Variants in BTD observed in about 807,000 individuals in gnomAD.
The protein encoded by BTD is biotinidase, also known as biocytinase.
A neutral mutation model predicts 17.7 loss-of-function variants in BTD; 13 were observed. That is an observed-to-expected ratio of 0.74 (90% CI 0.48 to 1.17). The LOEUF (loss-of-function observed/expected upper bound fraction) is 1.17. BTD is among the 50% of genes most tolerant of loss of function. BTD has a pLI of 0.00. For missense variants in BTD, 674 were observed against 650.4 expected (o/e 1.04, Z -0.39); for synonymous variants, 240 against 245.2 (o/e 0.98, Z 0.20).
At chr3:15,615,526 T>C (rs938440134) in intron 1 of BTD, among the ~76,000 whole-genome samples, 4 of 152,246 alleles carry the variant, frequency 2.6e-5, no homozygotes, top group South Asian at 2.1e-4. Context: ...GATATCAAGA[T>C]TGGGACATGT....
intron 1 of BTD, among the ~76,000 whole-genome samples, chr3:15,614,588 A>G (rs542589403): frequency 3.3e-5 from 5 of 149,590 alleles, no homozygotes; most frequent in East Asian, 3.9e-4. Context: ...TTATTTGACA[A>G]TATCTTTTTC....
At chr3:15,636,713 C>T (rs897985600) in intron 2 of BTD, among the ~76,000 whole-genome samples, 15 of 122,582 alleles carry the variant, frequency 1.2e-4, no homozygotes, top group African/African-American at 4.7e-4. Flanking sequence ...ACAGCCACAG[C>T]AATTAAAAAA....
At chr3:15,630,413 T>C (rs2065178039) in intron 1 of BTD, among the ~76,000 whole-genome samples, 1 of 152,244 alleles carries the variant, frequency 6.6e-6, no homozygotes. Flanking sequence ...CAGACTGTTA[T>C]TCAAATTCCA....
intron 3 of BTD, chr3:15,670,199 A>G: frequency 6.6e-7 from 1 of 1,509,426 alleles, no homozygotes. Flanking sequence ...CTACGTGAAT[A>G]TCAAAGTGCC....
At chr3:15,678,226 C>A in intron 3 of BTD, 1 of 1,610,556 alleles carries the variant, frequency 6.2e-7, no homozygotes, top group South Asian at 1.1e-5. Flanking sequence ...ATTTGTTTGT[C>A]CATTTTCTGC....
intron 1 of BTD, among the ~76,000 whole-genome samples, chr3:15,611,893 C>A (rs945640498): frequency 2.6e-5 from 4 of 151,106 alleles, no homozygotes; most frequent in African/African-American, 7.3e-5. Flanking sequence ...AAAAAAAATT[C>A]TTCTGCATTT....
Position 15,644,720 on chromosome 3 carries a change from T to G in BTD, c.804T>G (p.Phe268Leu), listed in dbSNP as rs764376897. 3 of 1,614,240 alleles carry G rather than the reference T, an allele frequency of 1.9e-6. No individual in the cohort carries two copies. The highest frequency in any genetic ancestry group is 4.5e-5 in the East Asian group (2 of 44,894). Residue 268 changes from phenylalanine to leucine, a missense_variant, in exon 4 of 4, where the codon TTT becomes TTG. Physicochemically the swap from Phe to Leu is conservative, Grantham distance 22. Coordinates refer to ENST00000643237, the MANE Select transcript of BTD (RefSeq NM_001370658.1). ...CAGCAATTGAGATTCAGAAAGCTTT[T>G]GCTGTTGCCTTTGGCATCAACGTTC... The part of the protein sequence containing the change: ...LLAAIEIQKA[F>L]AVAFGINVLA...
intron 3 of BTD, chr3:15,675,882 T>C (rs1482877820): frequency 6.3e-7 from 1 of 1,593,526 alleles, no homozygotes; most frequent in South Asian, 1.1e-5. Flanking sequence ...GGGAAGAGAA[T>C]ATAGAACCAA....
At chr3:15,658,414 G>A (rs1234406546), downstream of BTD, among the ~76,000 whole-genome samples, 1 of 152,194 alleles carries the variant, frequency 6.6e-6, no homozygotes, top group East Asian at 1.9e-4. Context: ...GCCCCACAGG[G>A]ACAATGGAAC....
At chr3:15,677,418 A>C in intron 3 of BTD, 1 of 1,309,616 alleles carries the variant, frequency 7.6e-7, no homozygotes, top group Non-Finnish European at 1.1e-6. Flanking sequence ...GTGAAGTCAA[A>C]AAACTTTTAA....
rs994923091 is a variant in BTD, at chr3:15,649,137, C to A, written c.*3649C>A. 6.6e-6 allele frequency among the ~76,000 whole-genome samples: 1 copy of A among 152,236 alleles called. No individual in the cohort carries two copies. Among genetic ancestry groups the A allele is most frequent in the African/African-American group, 2.4e-5 (1 of 41,456 alleles). On this transcript the variant is annotated 3_prime_UTR_variant, in exon 4 of 4. Transcript: ENST00000643237. ...CCTAGGAAACAAATACAGAGGATCA[C>A]TTGCAAAATGGCCCATTCACACAGC...
At chr3:15,629,711 A>G (rs2065156322) in intron 1 of BTD, among the ~76,000 whole-genome samples, 1 of 152,160 alleles carries the variant, frequency 6.6e-6, no homozygotes, top group Admixed American at 6.5e-5. Context: ...TTTTTAGTAC[A>G]GACAGGGTTT....
chr3:15,655,881 C>T (rs899082424), downstream of BTD, among the ~76,000 whole-genome samples: 13 of 152,230 alleles, frequency 8.5e-5, no homozygotes, highest in African/African-American at 2.7e-4. Context: ...CGGCTCACTG[C>T]AACCTCTGCG....
chr3:15,661,247 C>G (rs1199720842), intron 3 of BTD, among the ~76,000 whole-genome samples: 2 of 117,530 alleles, frequency 1.7e-5, no homozygotes, highest in Non-Finnish European at 3.2e-5. Context: ...GGCTGGGCAA[C>G]AGAGCTAGAC....
chr3:15,721,262 G>T (rs993930636), intron 4 of BTD: 8 of 727,028 alleles, frequency 1.1e-5, no homozygotes, highest in African/African-American at 1.8e-5. Context: ...CAGAGATAAG[G>T]CTTATAATTC....
chr3:15,664,976 A>G (rs1026021861), intron 3 of BTD, among the ~76,000 whole-genome samples: 2 of 152,176 alleles, frequency 1.3e-5, no homozygotes, highest in African/African-American at 4.8e-5. Flanking sequence ...TTACCTATAT[A>G]ACAAACCTGC....
intron 3 of BTD, chr3:15,709,677 T>C: frequency 6.3e-7 from 1 of 1,580,530 alleles, no homozygotes; most frequent in South Asian, 1.2e-5. Context: ...CCTCCCAAAT[T>C]TGTCCTTTTT....
chr3:15,601,550 A>G, upstream of BTD: 2 of 1,604,256 alleles, frequency 1.2e-6, no homozygotes, highest in South Asian at 1.1e-5. Context: ...GCAGCACGCC[A>G]CCTCTGGTAC....
chr3:15,630,010 C>A, intron 1 of BTD: 1 of 984,780 alleles, frequency 1.0e-6, no homozygotes, highest in South Asian at 4.7e-5. Flanking sequence ...AGACAGATTT[C>A]CCCACGCAGA....
Sources: gnomAD v4.1 joint callset for allele counts (sites outside exome capture counted in the v4.1 genomes callset) on GRCh38, gnomAD v4.1.1 for gene constraint, MANE v1.5 for transcripts, NCBI Gene and HGNC (gene_info 2026-07-23, HGNC 2026-07-21) for gene names.